The following TBPL1 variants were observed in gnomAD, a reference collection of about 807,000 sequenced individuals.
TBPL1 encodes the protein TATA box-binding protein-like 1.
A neutral mutation model predicts 22.1 loss-of-function variants in TBPL1; 4 were observed. That is an observed-to-expected ratio of 0.18 (90% CI 0.09 to 0.41). The LOEUF is 0.41. TBPL1 is among the 10% of genes least tolerant of loss of function. The pLI is 1.00. For missense variants in TBPL1, 115 were observed against 222.3 expected (o/e 0.52, Z 3.07); for synonymous variants, 64 against 71.0 (o/e 0.90, Z 0.50).
chr6:133,975,539 C>T (rs1226737600), intron 1 of TBPL1, among the ~76,000 whole-genome samples: 3 of 152,090 alleles, frequency 2.0e-5, no homozygotes, highest in Admixed American at 6.5e-5. Flanking sequence ...AATAAGCCAC[C>T]TTAAATTGTC....
At chr6:133,958,375 A>G (rs1470984059) in intron 1 of TBPL1, among the ~76,000 whole-genome samples, 1 of 152,214 alleles carries the variant, frequency 6.6e-6, no homozygotes. Flanking sequence ...CTGTGCCACT[A>G]TGAATGTTCT....
At chr6:133,956,892 GA>G (rs1332136127) in intron 1 of TBPL1, among the ~76,000 whole-genome samples, 1 of 152,214 alleles carries the variant, frequency 6.6e-6, no homozygotes, top group Non-Finnish European at 1.5e-5. Flanking sequence ...AAAAGGATGA[GA>G]GACTGTATAC....
chr6:133,954,414 T>C, intron 1 of TBPL1, among the ~76,000 whole-genome samples: 1 of 152,254 alleles, frequency 6.6e-6, no homozygotes, highest in East Asian at 1.9e-4. Flanking sequence ...TTTCGCAGTC[T>C]CTTTGAGAAA....
chr6:133,982,821 G>A lies in TBPL1; in HGVS notation c.223G>A (p.Glu75Lys). 2 of 1,610,986 alleles carry A rather than the reference G, an allele frequency of 1.2e-6. No homozygotes were observed. The highest frequency in any genetic ancestry group is 1.7e-6 in the Non-Finnish European group (2 of 1,179,254). Residue 75 changes from glutamate to lysine, a missense_variant, in exon 4 of 7, where the codon GAA (glutamate) becomes AAA (lysine). By Grantham distance (56) the Glu-to-Lys change is moderately conservative. Coordinates refer to ENST00000237264, the MANE Select transcript of TBPL1 (RefSeq NM_004865.4). ...TTTCTTTCCTTAAAACCGTAGTGAA[G>A]AAGAAGCTAAATTTGGTGCCAGACG... is the stretch of plus-strand genomic sequence containing the variant. The part of the protein sequence containing the change: ...KIICTGATSE[E>K]EAKFGARRLA...
At position 133,984,349 on chromosome 6, in the gene TBPL1, T is replaced by C. The variant is rs757186903; in HGVS notation, c.283-27T>C. 8 of 1,527,354 alleles carry C rather than the reference T, an allele frequency of 5.2e-6. No individual in the cohort carries two copies. In the East Asian group the frequency reaches 1.8e-4, roughly 35 times the overall value. 94.6% of individuals were successfully genotyped at this position (1,527,354 alleles called of 1,614,324 possible). A position where few individuals can be genotyped will look rare whatever the true frequency, so the allele number is the denominator to read the frequency against. ...TTTGTTTGTTTGTTTCAAAATAAAT[T>C]TATTGAATTTTACTTCTCTCCTAAA... On this transcript the variant is annotated intron_variant, in intron 4 of 6. Transcript: ENST00000237264.
chr6:133,967,914 CACAG>C (rs1776148284), intron 1 of TBPL1, among the ~76,000 whole-genome samples: 1 of 152,086 alleles, frequency 6.6e-6, no homozygotes, highest in South Asian at 2.1e-4. Context: ...GTTTCATGTG[CACAG>C]ACAAATATAT....
chr6:133,969,389 A>C (rs1165279442), intron 1 of TBPL1, among the ~76,000 whole-genome samples: 3 of 151,574 alleles, frequency 2.0e-5, no homozygotes, highest in East Asian at 1.9e-4. Context: ...ATACAAAATT[A>C]TTCACATGAA....
chr6:133,966,888 C>G (rs1038475704), intron 1 of TBPL1, among the ~76,000 whole-genome samples: 3 of 152,204 alleles, frequency 2.0e-5, no homozygotes, highest in African/African-American at 7.2e-5. Context: ...TCTTCTCTTT[C>G]AGTCCATCCT....
rs1325044176 is a variant in TBPL1 at position 133,987,104 on chromosome 6, CAAAAGG to C, written c.*69_*74del. 1.7e-6 allele frequency: 2 copies of C among 1,152,282 alleles called. No homozygotes were observed. Among genetic ancestry groups the C allele is most frequent in the Non-Finnish European group, 1.2e-6 (1 of 801,376 alleles). The allele number at this position is 1,152,282 out of a possible 1,614,324, so 71.4% of individuals were successfully genotyped here. On this transcript the variant is annotated 3_prime_UTR_variant, in exon 7 of 7. Coordinates refer to ENST00000237264, the MANE Select transcript of TBPL1 (RefSeq NM_004865.4). Reference sequence around the variant, plus strand: ...TTTTAAACCTGCTGCACATTGGACTCAAAAGGAAAACTGGACCAACAATAATTGAGG... The same window carrying C: ...TTTTAAACCTGCTGCACATTGGACTCAAAACTGGACCAACAATAATTGAGG...
At position 133,960,193 on chromosome 6, in the gene TBPL1, G is replaced by T. The variant is rs551540051; in HGVS notation, c.-45+6768G>T. Among the ~76,000 whole-genome samples the T allele has an allele frequency of 5.3e-5, 8 of 152,272 alleles. No individual in the cohort carries two copies. In the South Asian group the frequency reaches 1.7e-3, roughly 32 times the overall value. The stretch of plus-strand genomic sequence containing the variant: ...CGTTACAGATTAGGGTGGTTGCAGG[G>T]ATCACAGACAACCATATTGAAGGCA... On this transcript the variant is annotated intron_variant, in intron 1 of 6. Coordinates refer to ENST00000237264, the MANE Select transcript of TBPL1 (RefSeq NM_004865.4).
chr6:133,982,756 C>T, intron 3 of TBPL1, 61 bp from the exon 4 acceptor site: 1 of 1,584,284 alleles, frequency 6.3e-7, no homozygotes, highest in Non-Finnish European at 8.6e-7. Context: ...TTGTTATGTT[C>T]CTCAGTATAA....
intron 2 of TBPL1, among the ~76,000 whole-genome samples, chr6:133,982,296 T>C (rs763726422): frequency 4.7e-4 from 72 of 152,354 alleles, no homozygotes; most frequent in Non-Finnish European, 1.0e-4. Context: ...AGAGTTGAAT[T>C]GTTTATATAC....
Position 133,982,550 on chromosome 6 carries a change from G to T in TBPL1, c.136-18G>T. ...AAAAATAATGCTTATGAGGTAATCA[G>T]ATTTTTTTTCCCCCCAGAAAGTATT... On this transcript the variant is annotated intron_variant, in intron 2 of 6. Transcript: ENST00000237264. 6.3e-7 allele frequency: 1 copy of T among 1,587,308 alleles called. No homozygotes were observed.
intron 1 of TBPL1, among the ~76,000 whole-genome samples, chr6:133,955,295 T>C (rs1277301136): frequency 8.6e-5 from 13 of 150,456 alleles, no homozygotes; most frequent in Non-Finnish European, 1.5e-4. Context: ...CTTCCACCTT[T>C]ATTAACAATG....
chr6:133,962,675 CAT>C (rs1270701585), intron 1 of TBPL1, among the ~76,000 whole-genome samples: 1 of 152,142 alleles, frequency 6.6e-6, no homozygotes, highest in East Asian at 1.9e-4. Context: ...GCCATAAGCT[CAT>C]AGATAGCAAC....
At chr6:133,959,849 A>C (rs1775991112) in intron 1 of TBPL1, among the ~76,000 whole-genome samples, 1 of 152,216 alleles carries the variant, frequency 6.6e-6, no homozygotes, top group South Asian at 2.1e-4. Flanking sequence ...ATATGAACAT[A>C]ATAAAGTCAA....
intron 1 of TBPL1, among the ~76,000 whole-genome samples, chr6:133,974,009 A>AG (rs1776270125): frequency 6.6e-6 from 1 of 151,178 alleles, no homozygotes. Context: ...TTTACCAAAA[A>AG]AAAAAAAAAA....
At chr6:133,968,036 GT>G (rs1776151215) in intron 1 of TBPL1, among the ~76,000 whole-genome samples, 1 of 149,120 alleles carries the variant, frequency 6.7e-6, no homozygotes, top group Admixed American at 6.7e-5. Context: ...TTGAGACAGA[GT>G]CTTGCTTTGT....
chr6:133,979,992 A>G (rs1359625896), intron 1 of TBPL1, 90 bp from the exon 2 acceptor site: 3 of 982,628 alleles, frequency 3.1e-6, no homozygotes, highest in Non-Finnish European at 4.2e-6. Context: ...TAAATAATAT[A>G]GATTCATTTT....
Sources: allele counts gnomAD v4.1 joint callset (sites outside exome capture counted in the v4.1 genomes callset), GRCh38; gene constraint gnomAD v4.1.1; transcripts MANE v1.5; gene names NCBI Gene and HGNC (gene_info 2026-07-23, HGNC 2026-07-21).